The following SIPA1L2 variants were observed in gnomAD, a reference collection of about 807,000 sequenced individuals.
SIPA1L2 encodes signal induced proliferation associated 1 like 2.
Under a neutral mutation model 163.9 loss-of-function variants are expected in SIPA1L2, and 56 were observed. The ratio of observed to expected loss-of-function variants is 0.34; its 90% confidence interval spans 0.28 to 0.43. The LOEUF (loss-of-function observed/expected upper bound fraction) is 0.43, where lower values mean the gene tolerates loss of function less well. Ranked by LOEUF, SIPA1L2 falls within the 20% of genes least tolerant of loss-of-function variation. The pLI is 1.00. For synonymous variants in SIPA1L2, 877 were observed against 865.7 expected (o/e 1.01, Z -0.23); for missense variants, 1,974 against 2,193.5 (o/e 0.90, Z 2.00).
At chr1:232,611,903 C>G (rs895988581) in intron 1 of SIPA1L2, among the ~76,000 whole-genome samples, 8 of 152,174 alleles carry the variant, frequency 5.3e-5, no homozygotes, top group Admixed American at 2.0e-4. Flanking sequence ...AGAGGCCTTC[C>G]CAGCAGCCCC....
Position 232,490,892 on chromosome 1 carries a change from G to C in SIPA1L2, c.1788C>G (p.Leu596=). Residue 596 remains leucine (L), a synonymous_variant, in exon 5 of 23, where the codon CTC becomes CTG. Coordinates refer to ENST00000674635, the MANE Select transcript of SIPA1L2 (RefSeq NM_020808.5). Reference sequence around the variant, plus strand: ...TACACACCCCTTGTTCATCAAGCTTGAGCAGCTGCTCTGAGACCTTGGGTG... The same window carrying C: ...TACACACCCCTTGTTCATCAAGCTTCAGCAGCTGCTCTGAGACCTTGGGTG... ...SNSPKVSEQL[L]KLDEQGLSFQ... is the part of the protein sequence containing the mutation. The C allele has an allele frequency of 1.2e-6, 2 of 1,613,844 alleles. No individual in the cohort carries two copies. Among genetic ancestry groups the C allele is most frequent in the Non-Finnish European group, 1.7e-6 (2 of 1,179,910 alleles).
intron 2 of SIPA1L2, among the ~76,000 whole-genome samples, chr1:232,530,346 C>G (rs1667915205): frequency 6.6e-6 from 1 of 152,124 alleles, no homozygotes; most frequent in African/African-American, 2.4e-5. Context: ...AATCTCCTGA[C>G]CTCGTGATCC....
intron 1 of SIPA1L2, among the ~76,000 whole-genome samples, chr1:232,604,471 C>G (rs1195880056): frequency 1.3e-5 from 2 of 152,220 alleles, no homozygotes; most frequent in Non-Finnish European, 2.9e-5. Flanking sequence ...AAAGCACTTT[C>G]ACAAGCATTA....
At chr1:232,423,222 G>A (rs147591205) in intron 18 of SIPA1L2, among the ~76,000 whole-genome samples, 20 of 152,332 alleles carry the variant, frequency 1.3e-4, no homozygotes, top group Admixed American at 2.0e-4. Context: ...GAAATGCTAT[G>A]ATGTTCAGTA....
At chr1:232,617,424 G>C (rs1043269486) in intron 1 of SIPA1L2, among the ~76,000 whole-genome samples, 1 of 152,198 alleles carries the variant, frequency 6.6e-6, no homozygotes, top group African/African-American at 2.4e-5. Context: ...GACAGAAATT[G>C]CTCCTAAAAT....
At chr1:232,417,119 A>C (rs1242928736) in intron 18 of SIPA1L2, among the ~76,000 whole-genome samples, 3 of 152,128 alleles carry the variant, frequency 2.0e-5, no homozygotes, top group Non-Finnish European at 4.4e-5. Flanking sequence ...AATTAACCAA[A>C]TGCACCTGTA....
At chr1:232,512,048 A>T (rs1419764802) in intron 3 of SIPA1L2, among the ~76,000 whole-genome samples, 1 of 152,242 alleles carries the variant, frequency 6.6e-6, no homozygotes, top group Non-Finnish European at 1.5e-5. Context: ...CAACCCCATC[A>T]AAAAGTGGGC....
intron 1 of SIPA1L2, among the ~76,000 whole-genome samples, chr1:232,614,874 A>G (rs1662422972): frequency 6.6e-6 from 1 of 152,150 alleles, no homozygotes; most frequent in Non-Finnish European, 1.5e-5. Context: ...CCTTATCACT[A>G]AGTTTTCATT....
intron 2 of SIPA1L2, among the ~76,000 whole-genome samples, chr1:232,518,907 T>C: frequency 6.6e-6 from 1 of 152,346 alleles, no homozygotes. Context: ...AGTAAGTCCT[T>C]ATATTAGAAA....
chr1:232,472,279 TCCTATTTCCCGGG>T (rs1358011437), intron 7 of SIPA1L2, among the ~76,000 whole-genome samples: 2 of 152,162 alleles, frequency 1.3e-5, no homozygotes, highest in African/African-American at 2.4e-5. Flanking sequence ...GAAAGAAACT[TCCTATTTCCCGGG>T]CCTATTTCTA....
intron 1 of SIPA1L2, among the ~76,000 whole-genome samples, chr1:232,580,100 G>A (rs1179641155): frequency 6.6e-6 from 1 of 152,192 alleles, no homozygotes; most frequent in Non-Finnish European, 1.5e-5. Context: ...TGCTAAATAA[G>A]GGGTAGATTA....
intron 2 of SIPA1L2, among the ~76,000 whole-genome samples, chr1:232,563,579 T>C (rs932658339): frequency 2.0e-5 from 3 of 152,230 alleles, no homozygotes; most frequent in African/African-American, 7.2e-5. Flanking sequence ...ACTGAAGTTC[T>C]CAACCCTTCC....
chr1:232,610,269 T>G (rs1662171871), intron 1 of SIPA1L2, among the ~76,000 whole-genome samples: 2 of 152,156 alleles, frequency 1.3e-5, no homozygotes, highest in South Asian at 4.1e-4. Flanking sequence ...TAAGGACACT[T>G]GAGTTCCTTC....
intron 3 of SIPA1L2, among the ~76,000 whole-genome samples, chr1:232,511,559 T>A (rs1367588347): frequency 6.6e-6 from 1 of 152,190 alleles, no homozygotes; most frequent in Non-Finnish European, 1.5e-5. Flanking sequence ...GACAAATTCT[T>A]TTAAGTCTAT....
chr1:232,628,213 C>A (rs1663184427), intron 1 of SIPA1L2, among the ~76,000 whole-genome samples: 1 of 152,156 alleles, frequency 6.6e-6, no homozygotes, highest in Non-Finnish European at 1.5e-5. Context: ...AGGGCTTGTG[C>A]TTAGAAATGA....
At position 232,629,859 on chromosome 1, in the gene SIPA1L2, C is replaced by A. The variant is rs901636897; in HGVS notation, c.-319+10G>T. ...TCGCCACGCTGCCCGTCGGATTCCC[C>A]GACACGAACCTTCGCAACGCCGTCC... On this transcript the variant is annotated intron_variant, in intron 1 of 22. Coordinates refer to ENST00000674635, the MANE Select transcript of SIPA1L2 (RefSeq NM_020808.5). 3.9e-4 allele frequency among the ~76,000 whole-genome samples: 59 copies of A among 152,070 alleles called. No homozygotes were observed. Among genetic ancestry groups the A allele is most frequent in the African/African-American group, 1.4e-3 (57 of 41,544 alleles).
chr1:232,578,241 G>GT (rs1206241130), intron 1 of SIPA1L2, among the ~76,000 whole-genome samples: 3 of 151,154 alleles, frequency 2.0e-5, no homozygotes, highest in Non-Finnish European at 2.9e-5. Flanking sequence ...TAGCGTAACT[G>GT]TAACTTTTAA....
intron 8 of SIPA1L2, among the ~76,000 whole-genome samples, chr1:232,469,193 C>T (rs551075088): frequency 1.6e-4 from 24 of 152,218 alleles, no homozygotes; most frequent in Non-Finnish European, 3.1e-4. Flanking sequence ...CAAGAATACG[C>T]TGCCACTCAA....
Position 232,525,001 on chromosome 1 carries a change from T to C in SIPA1L2, c.-269-9393A>G, listed in dbSNP as rs1667625846. 3.3e-5 allele frequency among the ~76,000 whole-genome samples: 5 copies of C among 152,178 alleles called. No individual in the cohort carries two copies. In the South Asian group the frequency reaches 1.0e-3, roughly 31 times the overall value. On this transcript the variant is annotated intron_variant, in intron 2 of 22. Transcript: ENST00000674635. ...TAAGATCCTTCATAAAACCAATGGA[T>C]GTTTAAATTACACAGAACATATAAT...
Sources: allele counts gnomAD v4.1 joint callset (sites outside exome capture counted in the v4.1 genomes callset), GRCh38; gene constraint gnomAD v4.1.1; transcripts MANE v1.5; gene names NCBI Gene and HGNC (gene_info 2026-07-23, HGNC 2026-07-21).